The following NBEA variants were observed in gnomAD, a reference collection of about 807,000 sequenced individuals.
NBEA encodes neurobeachin, also known as lysosomal-trafficking regulator 2.
In NBEA, 44 loss-of-function variants were observed where a neutral mutation model predicts 343.4. That is an observed-to-expected ratio of 0.13 (90% confidence interval 0.10 to 0.16). The LOEUF (loss-of-function observed/expected upper bound fraction) is 0.16, where lower values mean the gene tolerates loss of function less well. Among genes scored for constraint, NBEA ranks in the 10% least tolerant of loss-of-function variants. NBEA has a pLI of 1.00. For synonymous variants in NBEA, 1,175 were observed against 1,238.7 expected, an observed-to-expected ratio of 0.95 and a Z score of 1.08; for missense variants, 2,555 against 3,631.3, an observed-to-expected ratio of 0.70 and a Z score of 7.62.
chr13:35,570,325 C>T (rs534823371), intron 45 of NBEA, among the ~76,000 whole-genome samples: 1 of 152,246 alleles, frequency 6.6e-6, no homozygotes. Flanking sequence ...TGAGCCACCA[C>T]GCCCAGCCCA....
In NBEA at chr13:35,378,658, A is replaced by T. The variant is rs986369949; in HGVS notation, c.6179+26335A>T. ...GGCATGACTGATTTTTTTCCTTTAT[A>T]TTAAAGTATACATACATACAGAAGA... On this transcript the variant is annotated intron_variant, in intron 38 of 58. Transcript: ENST00000379939. 1.8e-4 allele frequency among the ~76,000 whole-genome samples: 28 copies of T among 152,068 alleles called. 1 individual carries two copies. The highest frequency in any genetic ancestry group is 6.3e-4 in the African/African-American group (26 of 41,484).
At chr13:35,372,605 G>A (rs1215974021) in intron 38 of NBEA, among the ~76,000 whole-genome samples, 2 of 152,172 alleles carry the variant, frequency 1.3e-5, no homozygotes, top group Admixed American at 1.3e-4. Context: ...TGCTGGGGAG[G>A]GAGTGGTTGC....
At chr13:35,560,768 A>C (rs918252726) in intron 44 of NBEA, among the ~76,000 whole-genome samples, 2 of 152,174 alleles carry the variant, frequency 1.3e-5, no homozygotes, top group Non-Finnish European at 1.5e-5. Context: ...GGAAGGAGAC[A>C]TGACTGGATT....
intron 38 of NBEA, among the ~76,000 whole-genome samples, chr13:35,430,808 G>C (rs1220528271): frequency 6.6e-6 from 1 of 151,998 alleles, no homozygotes; most frequent in Non-Finnish European, 1.5e-5. Flanking sequence ...GTTTGTATTT[G>C]TAAGGACAGA....
At position 35,208,826 on chromosome 13, in the gene NBEA, T is replaced by C; in HGVS notation, c.5493T>C (p.Ala1831=). The part of the protein sequence containing the change: ...STSNIFAATG[A]TPKSMINTTG... The stretch of plus-strand genomic sequence containing the variant: ...CTAATATATTTGCTGCTACTGGAGC[T>C]ACACCAAAAAGTATGATTAATACAA... Residue 1831 remains alanine (A), a synonymous_variant, in exon 32 of 59, where the codon GCT becomes GCC. Transcript: ENST00000379939. 6.2e-7 allele frequency: 1 copy of C among 1,605,226 alleles called. No homozygotes were observed. The highest frequency in any genetic ancestry group is 1.1e-5 in the South Asian group (1 of 89,654).
intron 41 of NBEA, among the ~76,000 whole-genome samples, chr13:35,510,302 C>T (rs1405929517): frequency 1.3e-5 from 2 of 152,166 alleles, no homozygotes; most frequent in African/African-American, 2.4e-5. Context: ...AGGACACATG[C>T]AGCCTCATAC....
At chr13:35,139,270 A>G (rs933146590) in intron 17 of NBEA, among the ~76,000 whole-genome samples, 3 of 151,524 alleles carry the variant, frequency 2.0e-5, no homozygotes, top group Non-Finnish European at 4.4e-5. Flanking sequence ...CATGTTGGCC[A>G]TGCTGGTCTT....
chr13:35,605,858 A>G lies in NBEA; in HGVS notation c.7297-568A>G, dbSNP rs185433211. Among the ~76,000 whole-genome samples the G allele has an allele frequency of 1.8e-3, 279 of 152,290 alleles. 1 individual carries two copies. The highest frequency in any genetic ancestry group is 5.6e-3 in the African/African-American group (233 of 41,582). On this transcript the variant is annotated intron_variant, in intron 47 of 58. Transcript: ENST00000379939. ...TTAAATATTTAAAACTGTTTATCAT[A>G]TTGTGTATCATCTCTTTTATTGTGT...
intron 41 of NBEA, among the ~76,000 whole-genome samples, chr13:35,500,136 C>T (rs1166973323): frequency 2.0e-5 from 3 of 152,090 alleles, no homozygotes; most frequent in Admixed American, 6.6e-5. Context: ...GTGACAGCTG[C>T]AATTCATTGC....
intron 27 of NBEA, among the ~76,000 whole-genome samples, chr13:35,175,935 A>G (rs2070866431): frequency 6.6e-6 from 1 of 152,168 alleles, no homozygotes; most frequent in South Asian, 2.1e-4. Flanking sequence ...GATTAGGGGT[A>G]GAGAAATATA....
intron 1 of NBEA, among the ~76,000 whole-genome samples, chr13:34,999,970 A>G (rs1593417845): frequency 6.6e-6 from 1 of 152,166 alleles, no homozygotes; most frequent in Admixed American, 6.6e-5. Flanking sequence ...GTCTGTATCT[A>G]TCTTCCTTCT....
intron 48 of NBEA, among the ~76,000 whole-genome samples, chr13:35,609,736 C>T (rs1008244074): frequency 2.0e-5 from 3 of 152,088 alleles, no homozygotes; most frequent in Non-Finnish European, 4.4e-5. Context: ...TCTTGCGTTA[C>T]CAATAGCAAA....
intron 41 of NBEA, among the ~76,000 whole-genome samples, chr13:35,529,134 C>T (rs1408441329): frequency 6.6e-6 from 1 of 152,062 alleles, no homozygotes; most frequent in Non-Finnish European, 1.5e-5. Context: ...TTGAGGCAGA[C>T]ATGATTTTCA....
chr13:35,606,578 G>T lies in NBEA; in HGVS notation c.7449G>T (p.Met2483Ile). ...AAGACTTTGTGCGGATCAACAGGAT[G>T]GTAAGAGAGATTTTGCTTTTGCTTG... ...KPEDFVRINR[M>I]ALESEFVSCQ... Residue 2483 changes from methionine to isoleucine, a missense_variant and splice_region_variant, in exon 48 of 59, where the codon ATG (methionine) becomes ATT (isoleucine). This residue lies in a region of NBEA where 156 missense variants were observed against 185.8 expected (regional missense o/e 0.84). Transcript: ENST00000379939. 2 of 1,595,818 alleles carry T rather than the reference G, an allele frequency of 1.3e-6. No homozygotes were observed. Among genetic ancestry groups the T allele is most frequent in the South Asian group, 2.3e-5 (2 of 88,300 alleles).
At chr13:35,585,932 C>T (rs959245413) in intron 46 of NBEA, among the ~76,000 whole-genome samples, 6 of 152,172 alleles carry the variant, frequency 3.9e-5, no homozygotes, top group Non-Finnish European at 8.8e-5. Context: ...CATTCTCTCT[C>T]GCCTAGAGTA....
At chr13:35,074,119 A>G (rs1156642772) in intron 10 of NBEA, among the ~76,000 whole-genome samples, 1 of 152,184 alleles carries the variant, frequency 6.6e-6, no homozygotes, top group Non-Finnish European at 1.5e-5. Context: ...TTTAGTATTT[A>G]TTACTAGTAC....
intron 45 of NBEA, among the ~76,000 whole-genome samples, chr13:35,567,668 A>G (rs1397164033): frequency 1.3e-5 from 2 of 152,222 alleles, no homozygotes; most frequent in African/African-American, 4.8e-5. Flanking sequence ...AAGTTTATGT[A>G]TGTTAGCCAT....
intron 24 of NBEA, among the ~76,000 whole-genome samples, chr13:35,165,352 T>C (rs1329623096): frequency 6.6e-6 from 1 of 152,170 alleles, no homozygotes; most frequent in African/African-American, 2.4e-5. Flanking sequence ...TCACACACTT[T>C]CCCCAGGCCT....
chr13:35,490,846 C>T (rs898282594), intron 41 of NBEA, among the ~76,000 whole-genome samples: 2 of 151,870 alleles, frequency 1.3e-5, no homozygotes, highest in Non-Finnish European at 2.9e-5. Context: ...CTTCCAAGTT[C>T]ACAAAGCTAG....
Sources: gnomAD v4.1 joint callset for allele counts (sites outside exome capture counted in the v4.1 genomes callset) on GRCh38, gnomAD v4.1.1 for gene constraint, gnomAD v4.1.1 regional missense constraint, MANE v1.5 for transcripts, NCBI Gene and HGNC (gene_info 2026-07-23, HGNC 2026-07-21) for gene names.